Variants in OR14A2 observed in about 807,000 individuals in gnomAD.
The protein encoded by OR14A2 is olfactory receptor 14A2.
For synonymous variants in OR14A2, 114 were observed against 58.6 expected, an observed-to-expected ratio of 1.95 and a Z score of -4.32; for missense variants, 237 against 152.9, an observed-to-expected ratio of 1.55 and a Z score of -2.90.
At chr1:247,724,480 A>G (rs1381801850), upstream of OR14A2, among the ~76,000 whole-genome samples, 1 of 152,168 alleles carries the variant, frequency 6.6e-6, no homozygotes, top group East Asian at 1.9e-4. Flanking sequence ...AATATCCTAT[A>G]CAGGTGCAAA....
At chr1:247,738,929 G>A in the OR14A2 span, 1 of 780,504 alleles carries the variant, frequency 1.3e-6, no homozygotes, top group African/African-American at 1.7e-5. Flanking sequence ...TGGTACTGCT[G>A]GCTGGATCAG....
upstream of OR14A2, among the ~76,000 whole-genome samples, chr1:247,724,654 C>G (rs1164548427): frequency 1.3e-5 from 2 of 152,118 alleles, no homozygotes; most frequent in Admixed American, 6.6e-5. Flanking sequence ...TCATGCAATT[C>G]TAACATAATG....
the OR14A2 span, among the ~76,000 whole-genome samples, chr1:247,736,377 A>T: frequency 6.6e-6 from 1 of 152,142 alleles, no homozygotes; most frequent in Non-Finnish European, 1.5e-5. Flanking sequence ...CCAGTTTTAG[A>T]TTGATTGAGA....
chr1:247,739,230 T>A, the OR14A2 span: 7 of 780,800 alleles, frequency 9.0e-6, no homozygotes, highest in East Asian at 1.7e-4. Context: ...CTGTTATGCA[T>A]TTTCATGTTT....
At chr1:247,741,229 A>G in the OR14A2 span, among the ~76,000 whole-genome samples, 1 of 152,232 alleles carries the variant, frequency 6.6e-6, no homozygotes, top group African/African-American at 2.4e-5. Flanking sequence ...GACAGAAAAT[A>G]AATATATTTT....
upstream of OR14A2, among the ~76,000 whole-genome samples, chr1:247,725,485 T>TTTTA (rs539862993): frequency 8.2e-3 from 1,235 of 149,930 alleles, 12 homozygotes; most frequent in African/African-American, 0.026. Flanking sequence ...ATCTACAAGA[T>TTTTA]TTTATTTATT....
the OR14A2 span, chr1:247,739,551 A>G: frequency 3.9e-6 from 3 of 772,970 alleles, no homozygotes; most frequent in Non-Finnish European, 7.2e-6. Flanking sequence ...TGGGGTAATG[A>G]AAAGATGACT....
At chr1:247,736,959 A>C in the OR14A2 span, among the ~76,000 whole-genome samples, 2 of 152,018 alleles carry the variant, frequency 1.3e-5, no homozygotes, top group African/African-American at 2.4e-5. Flanking sequence ...TTAAAACATT[A>C]TTTTATTTAA....
At position 247,723,142 on chromosome 1, in the gene OR14A2, C is replaced by T. The variant is rs371897453; in HGVS notation, c.902G>A (p.Arg301Lys). 9.8e-5 allele frequency: 70 copies of T among 717,378 alleles called. No homozygotes were observed. In the East Asian group the frequency reaches 1.4e-3, roughly 15 times the overall value. The allele number at this position is 717,378 out of a possible 1,614,324, so 44.4% of individuals were successfully genotyped here. A position where few individuals can be genotyped will look rare whatever the true frequency, so the allele number is the denominator to read the frequency against. ...CTGACCATATGTTTTCTGCAGCAAC[C>T]TTATCAGAGCACATTTCATGTCATT... The change falls in exon 1 of 1, where the codon AGG (arginine) becomes AAG (lysine). Residue 301 changes from arginine to lysine, a missense_variant. Arg to Lys is a conservative substitution (Grantham distance 26). Transcript: ENST00000366485.
chr1:247,746,774 C>T, the OR14A2 span: 5 of 152,196 alleles, frequency 3.3e-5, no homozygotes, highest in Non-Finnish European at 7.3e-5. Flanking sequence ...TTCCCAAAAG[C>T]ACATTTCTCA....
chr1:247,746,018 A>T, the OR14A2 span, among the ~76,000 whole-genome samples: 1 of 152,112 alleles, frequency 6.6e-6, no homozygotes, highest in Admixed American at 6.5e-5. Context: ...ACAGGGAAAA[A>T]CCATGGGCAC....
chr1:247,743,056 T>C, the OR14A2 span, among the ~76,000 whole-genome samples: 1 of 152,238 alleles, frequency 6.6e-6, no homozygotes, highest in Admixed American at 6.5e-5. Context: ...ATTGGAACAT[T>C]TTTAAGTGTA....
chr1:247,723,604 C>T lies in OR14A2; in HGVS notation c.440G>A (p.Trp147Ter), dbSNP rs1660257748. The T allele has an allele frequency of 1.4e-6, 1 of 718,144 alleles. No homozygotes were observed. Among genetic ancestry groups the T allele is most frequent in the Admixed American group, 2.0e-5 (1 of 49,962 alleles). 44.5% of individuals were successfully genotyped at this position (718,144 alleles called of 1,614,324 possible). A position where few individuals can be genotyped will look rare whatever the true frequency, so the allele number is the denominator to read the frequency against. Residue 147 changes from tryptophan to a stop codon, truncating the protein, a stop_gained, in exon 1 of 1, where the codon TGG (tryptophan) becomes TAG (stop). Coordinates refer to ENST00000366485, the Ensembl canonical transcript of OR14A2. LOFTEE classifies it low-confidence loss of function (END_TRUNC). ...AGTACCAAAGAGCCCTCCAATGGCC[C>T]AGGAAACACTTGCCATTAACACACA... is the stretch of plus-strand genomic sequence containing the variant.
At chr1:247,739,697 G>T in the OR14A2 span, 1 of 579,696 alleles carries the variant, frequency 1.7e-6, no homozygotes, top group Non-Finnish European at 3.1e-6. Flanking sequence ...AGTTTTAATA[G>T]AAATAGAAAG....
chr1:247,737,246 A>C, the OR14A2 span, among the ~76,000 whole-genome samples: 1 of 152,118 alleles, frequency 6.6e-6, no homozygotes, highest in Non-Finnish European at 1.5e-5. Context: ...GTGTGTGTGC[A>C]TATGTGTGTA....
the OR14A2 span, among the ~76,000 whole-genome samples, chr1:247,729,187 C>A: frequency 6.6e-6 from 1 of 152,080 alleles, no homozygotes; most frequent in African/African-American, 2.4e-5. Context: ...TTCTGAATCA[C>A]CTTGTTAAGT....
At chr1:247,742,157 A>AAAC in the OR14A2 span, among the ~76,000 whole-genome samples, 1 of 152,242 alleles carries the variant, frequency 6.6e-6, no homozygotes, top group South Asian at 2.1e-4. Flanking sequence ...GTATGGTGTG[A>AAAC]AACAGATTGC....
At chr1:247,745,022 A>G in the OR14A2 span, among the ~76,000 whole-genome samples, 1 of 152,184 alleles carries the variant, frequency 6.6e-6, no homozygotes, top group Non-Finnish European at 1.5e-5. Context: ...TTGATTATTT[A>G]GCTCAAGGGA....
rs775891411 is a variant in OR14A2, at chr1:247,723,141, C to T, written c.903G>A (p.Arg301=). ...CCTGACCATATGTTTTCTGCAGCAA[C>T]CTTATCAGAGCACATTTCATGTCAT... is the stretch of plus-strand genomic sequence containing the variant. The change falls in exon 1 of 1, where the codon AGG becomes AGA. Residue 301 remains arginine, a synonymous_variant. Coordinates refer to ENST00000366485, the Ensembl canonical transcript of OR14A2. The T allele has an allele frequency of 4.2e-6, 3 of 717,386 alleles. No homozygotes were observed. In the South Asian group the frequency reaches 4.4e-5, roughly 11 times the overall value. 44.4% of individuals were successfully genotyped at this position (717,386 alleles called of 1,614,324 possible).
Sources: gnomAD v4.1 joint callset for allele counts (sites outside exome capture counted in the v4.1 genomes callset) on GRCh38, gnomAD v4.1.1 for gene constraint, MANE v1.5 for transcripts, NCBI Gene and HGNC (gene_info 2026-07-23, HGNC 2026-07-21) for gene names.